Variants in KLF17 observed in about 807,000 individuals in gnomAD.
KLF17 encodes the protein Krueppel-like factor 17.
Under a neutral mutation model 34.2 loss-of-function variants are expected in KLF17, and 31 were observed. The observed-to-expected ratio is 0.91, with a 90% CI of 0.68 to 1.22. KLF17 has a LOEUF of 1.22. Ranked by LOEUF, KLF17 falls within the 50% of genes most tolerant of loss-of-function variation. KLF17 has a pLI of 0.00. For missense variants in KLF17, 478 were observed against 505.2 expected (o/e 0.95, Z 0.52); for synonymous variants, 179 against 186.7 (o/e 0.96, Z 0.34).
the KLF17 span, among the ~76,000 whole-genome samples, chr1:44,099,877 GAAAGA>G: frequency 4.9e-4 from 27 of 54,740 alleles, 2 homozygotes; most frequent in African/African-American, 1.4e-3. Flanking sequence ...AAGAAAGAAA[GAAAGA>G]AAGAAAGAAA....
At chr1:44,068,209 G>A in the KLF17 span, among the ~76,000 whole-genome samples, 1 of 152,150 alleles carries the variant, frequency 6.6e-6, no homozygotes, top group Non-Finnish European at 1.5e-5. Context: ...GTTTTTGGCA[G>A]AGATGGGGTC....
At position 44,127,692 on chromosome 1, in the gene KLF17, T is replaced by TTTCTTTCTTTCTTTCTTTTTCTTTC. The variant is rs1553171671; in HGVS notation, c.82-1659_82-1658insCTTTCTTTCTTTCTTTTTCTTTCTT. On this transcript the variant is annotated intron_variant, in intron 1 of 3. Transcript: ENST00000372299. ...TTTCTTTCTTTCTTTCTTTCTTTCT[T>TTTCTTTCTTTCTTTCTTTTTCTTTC]TTTCTTTCTTTCTTTCTTTCTTCTC... Among the ~76,000 whole-genome samples, 522 of 90,120 alleles carry TTTCTTTCTTTCTTTCTTTTTCTTTC rather than the reference T, an allele frequency of 5.8e-3. 18 individuals carry two copies. The highest frequency in any genetic ancestry group is 0.028 in the African/African-American group (501 of 18,100). The allele number at this position is 90,120 out of a possible 152,430, so 59.1% of individuals were successfully genotyped here.
At chr1:44,093,457 C>T in the KLF17 span, among the ~76,000 whole-genome samples, 72 of 152,248 alleles carry the variant, frequency 4.7e-4, no homozygotes, top group Admixed American at 1.2e-3. Context: ...TGCAGTGGTG[C>T]GATCTCTGCC....
rs1386682712 is a variant in KLF17, at chr1:44,122,511, A to C, written c.81+3523A>C. ...TTTCATCAAAAATCTCACGAGCTTC[A>C]TCCTAGCGGTGCCATCACCCTTTGG... On this transcript the variant is annotated intron_variant, in intron 1 of 3. Coordinates refer to ENST00000372299, the MANE Select transcript of KLF17 (RefSeq NM_173484.4). 3 of 932,748 alleles carry C rather than the reference A, an allele frequency of 3.2e-6. No homozygotes were observed. In the Admixed American group the frequency reaches 5.1e-5, roughly 16 times the overall value. 57.8% of individuals were successfully genotyped at this position (932,748 alleles called of 1,614,324 possible).
the KLF17 span, among the ~76,000 whole-genome samples, chr1:44,101,776 C>T: frequency 6.6e-6 from 1 of 152,158 alleles, no homozygotes; most frequent in Non-Finnish European, 1.5e-5. Flanking sequence ...CCTGTAATCC[C>T]AGCACTTTGG....
chr1:44,048,701 T>A, the KLF17 span, among the ~76,000 whole-genome samples: 2 of 152,254 alleles, frequency 1.3e-5, no homozygotes, highest in African/African-American at 4.8e-5. Flanking sequence ...TAAGTTTCTC[T>A]TGGTGAAATT....
At chr1:44,084,781 AACAT>A in the KLF17 span, among the ~76,000 whole-genome samples, 1 of 151,744 alleles carries the variant, frequency 6.6e-6, no homozygotes, top group African/African-American at 2.4e-5. Flanking sequence ...GTGTTCTAAA[AACAT>A]ACATGAAGGC....
the KLF17 span, among the ~76,000 whole-genome samples, chr1:44,092,491 T>A: frequency 2.1e-4 from 32 of 152,050 alleles, no homozygotes; most frequent in African/African-American, 7.7e-4. Context: ...ACCAAAATAG[T>A]TCAAGTGATG....
the KLF17 span, among the ~76,000 whole-genome samples, chr1:44,112,773 T>C: frequency 2.0e-5 from 3 of 152,200 alleles, no homozygotes; most frequent in Non-Finnish European, 4.4e-5. Flanking sequence ...TCTATCTGAA[T>C]GCTGTGCAAT....
chr1:44,099,566 C>T, the KLF17 span, among the ~76,000 whole-genome samples: 2 of 151,024 alleles, frequency 1.3e-5, no homozygotes, highest in South Asian at 2.1e-4. Context: ...AATCAGGAGT[C>T]AGGAGGCCAA....
chr1:44,093,460 T>A, the KLF17 span, among the ~76,000 whole-genome samples: 1 of 152,198 alleles, frequency 6.6e-6, no homozygotes, highest in African/African-American at 2.4e-5. Flanking sequence ...AGTGGTGCGA[T>A]CTCTGCCCAC....
chr1:44,112,692 G>A, the KLF17 span, among the ~76,000 whole-genome samples: 1 of 152,152 alleles, frequency 6.6e-6, no homozygotes. Flanking sequence ...ATGGATGTGA[G>A]TCACCGCAAT....
At chr1:44,127,692 T>TTCTC (rs753421834) in intron 1 of KLF17, among the ~76,000 whole-genome samples, 1 of 90,170 alleles carries the variant, frequency 1.1e-5, no homozygotes, top group African/African-American at 5.5e-5. Context: ...CTTTCTTTCT[T>TTCTC]TTTCTTTCTT....
At chr1:44,096,822 TTTAGTTTAA>T in the KLF17 span, among the ~76,000 whole-genome samples, 1 of 152,216 alleles carries the variant, frequency 6.6e-6, no homozygotes, top group Non-Finnish European at 1.5e-5. Context: ...TCAGAAGCTC[TTTAGTTTAA>T]TTAGATCCCA....
At chr1:44,045,981 C>T in the KLF17 span, 1 of 152,078 alleles carries the variant, frequency 6.6e-6, no homozygotes, top group East Asian at 1.9e-4. Context: ...CCTCCTAACA[C>T]AATCATTGTC....
At chr1:44,130,223 GA>G (rs2088091455) in intron 2 of KLF17, 27 bp downstream of exon 2, 3 of 1,584,090 alleles carry the variant, frequency 1.9e-6, no homozygotes, top group Non-Finnish European at 2.6e-6. Flanking sequence ...GTGGGGTGGG[GA>G]TGGAGGAGTC....
intron 1 of KLF17, among the ~76,000 whole-genome samples, chr1:44,128,869 G>T (rs184740516): frequency 5.3e-5 from 8 of 152,160 alleles, no homozygotes; most frequent in Admixed American, 3.9e-4. Context: ...AAAATTAGCT[G>T]GGCATGGTGG....
the KLF17 span, among the ~76,000 whole-genome samples, chr1:44,062,310 G>A: frequency 6.6e-6 from 1 of 152,118 alleles, no homozygotes. Context: ...AAGTAGTCAG[G>A]CATCTCTTAT....
the KLF17 span, among the ~76,000 whole-genome samples, chr1:44,093,751 A>G: frequency 2.0e-5 from 3 of 152,196 alleles, no homozygotes; most frequent in African/African-American, 7.2e-5. Flanking sequence ...CTGTGACCAG[A>G]GACCTCTGGA....
Sources: gnomAD v4.1 joint callset for allele counts (sites outside exome capture counted in the v4.1 genomes callset) on GRCh38, gnomAD v4.1.1 for gene constraint, MANE v1.5 for transcripts, NCBI Gene and HGNC (gene_info 2026-07-23, HGNC 2026-07-21) for gene names.